Variants in GRM5 observed in about 807,000 individuals in gnomAD.
GRM5 encodes glutamate metabotropic receptor 5.
In GRM5, 19 loss-of-function variants were observed where a neutral mutation model predicts 83.1. The ratio of observed to expected loss-of-function variants is 0.23; its 90% CI spans 0.16 to 0.34. The LOEUF (loss-of-function observed/expected upper bound fraction) is 0.34, where lower values mean the gene tolerates loss of function less well. Among genes scored for constraint, GRM5 ranks in the 10% least tolerant of loss-of-function variants. The pLI, the probability that GRM5 is intolerant of heterozygous loss-of-function variation, is 1.00. For synonymous variants in GRM5, 675 were observed against 633.6 expected, an observed-to-expected ratio of 1.07 and a Z score of -0.98; for missense variants, 1,160 against 1,588.3, an observed-to-expected ratio of 0.73 and a Z score of 4.58.
At position 88,508,982 on chromosome 11, in the gene GRM5, C is replaced by T. The variant is rs1158461894; in HGVS notation, c.3249G>A (p.Ala1083=). ...SELNSMMLST[A]APSPGVGAPL... is the part of the protein sequence containing the mutation. ...GGGCGCCGACGCCGGGGCTGGGGGC[C>T]GCGGTGGACAGCATCATGGAGTTGA... Residue 1083 remains alanine, a synonymous_variant, in exon 10 of 10, where the codon GCG becomes GCA. Coordinates refer to ENST00000305447, the MANE Select transcript of GRM5 (RefSeq NM_001143831.3). The surrounding 1 kb of genome is among the most constrained non-coding windows in gnomAD (Gnocchi z 4.2). The T allele has an allele frequency of 6.3e-7, 1 of 1,583,070 alleles. No individual in the cohort carries two copies. The highest frequency in any genetic ancestry group is 8.6e-7 in the Non-Finnish European group (1 of 1,164,378).
intron 2 of GRM5, among the ~76,000 whole-genome samples, chr11:89,026,634 A>G (rs1941136657): frequency 2.6e-5 from 4 of 152,350 alleles, no homozygotes; most frequent in Admixed American, 2.6e-4. Flanking sequence ...TGAAAATAAA[A>G]TGAGATTCTA....
chr11:88,850,279 C>T, intron 2 of GRM5, 124 bp from the exon 3 acceptor site: 2 of 806,962 alleles, frequency 2.5e-6, no homozygotes, highest in South Asian at 1.7e-5. Context: ...ACCTGAAGAC[C>T]TGAATTTTGG....
chr11:88,671,530 T>A (rs1399418616), intron 3 of GRM5, among the ~76,000 whole-genome samples: 1 of 152,004 alleles, frequency 6.6e-6, no homozygotes. Context: ...AAAATGTTCA[T>A]CACCAGTAGA....
At chr11:88,647,453 T>C (rs1320781243) in intron 4 of GRM5, among the ~76,000 whole-genome samples, 4 of 152,004 alleles carry the variant, frequency 2.6e-5, no homozygotes, top group Admixed American at 2.6e-4. Context: ...TTTTCTCCCA[T>C]GATTCACTTG....
In GRM5 at chr11:88,568,771, C is replaced by T. The variant is rs533459144; in HGVS notation, c.1691-779G>A. 2.6e-4 allele frequency among the ~76,000 whole-genome samples: 39 copies of T among 151,932 alleles called. 1 individual carries two copies. Among genetic ancestry groups the T allele is most frequent in the Non-Finnish European group, 4.4e-4 (30 of 67,988 alleles). ...AAAAAGATATGAAATATGACCAACA[C>T]TAGTAAAGAAGAGTTGGAATTTTCA... On this transcript the variant is annotated intron_variant, in intron 7 of 9. Coordinates refer to ENST00000305447, the MANE Select transcript of GRM5 (RefSeq NM_001143831.3).
At chr11:88,800,911 G>C (rs1943380710) in intron 3 of GRM5, among the ~76,000 whole-genome samples, 1 of 152,056 alleles carries the variant, frequency 6.6e-6, no homozygotes, top group African/African-American at 2.4e-5. Flanking sequence ...GAATATGTGT[G>C]GGGGGCTTTT....
At chr11:88,928,773 A>G (rs1483952640) in intron 2 of GRM5, among the ~76,000 whole-genome samples, 2 of 151,982 alleles carry the variant, frequency 1.3e-5, no homozygotes, top group Non-Finnish European at 2.9e-5. Context: ...GTTTTAATTT[A>G]TAAGTTTCTG....
chr11:89,006,854 G>T (rs1395586491), intron 2 of GRM5, among the ~76,000 whole-genome samples: 2 of 152,206 alleles, frequency 1.3e-5, no homozygotes, highest in East Asian at 3.9e-4. Context: ...CTGGAGTGCA[G>T]TGGCGCAATC....
At chr11:88,613,823 C>G (rs910812146) in intron 4 of GRM5, among the ~76,000 whole-genome samples, 2 of 152,262 alleles carry the variant, frequency 1.3e-5, no homozygotes, top group South Asian at 2.1e-4. Context: ...ACTTTGAACT[C>G]TGGATCATTT....
intron 2 of GRM5, among the ~76,000 whole-genome samples, chr11:88,996,262 T>C (rs1252360553): frequency 2.0e-5 from 3 of 152,212 alleles, no homozygotes; most frequent in African/African-American, 4.8e-5. Context: ...TGTTCTTCCT[T>C]TGGAGAAGAA....
At chr11:88,512,007 G>A (rs2135079854) in intron 9 of GRM5, 1 of 152,298 alleles carries the variant, frequency 6.6e-6, no homozygotes, top group East Asian at 1.9e-4. Context: ...GTACAGAGAG[G>A]TTTTGCAAAC....
At chr11:88,846,939 T>A (rs1000826313) in intron 3 of GRM5, among the ~76,000 whole-genome samples, 1 of 152,156 alleles carries the variant, frequency 6.6e-6, no homozygotes, top group African/African-American at 2.4e-5. Flanking sequence ...AACCTAGGGT[T>A]TGCTATCAAA....
At chr11:88,877,735 T>G in intron 2 of GRM5, among the ~76,000 whole-genome samples, 1 of 150,332 alleles carries the variant, frequency 6.7e-6, no homozygotes, top group East Asian at 2.0e-4. Flanking sequence ...GAGGCTGAGG[T>G]AGGAGGATCA....
intron 2 of GRM5, among the ~76,000 whole-genome samples, chr11:88,964,145 A>G (rs1392800540): frequency 2.0e-5 from 3 of 152,156 alleles, no homozygotes; most frequent in Non-Finnish European, 4.4e-5. Flanking sequence ...CTTAGGTTGA[A>G]AAATAATAGT....
intron 2 of GRM5, among the ~76,000 whole-genome samples, chr11:88,872,651 T>G (rs2135563209): frequency 6.6e-6 from 1 of 151,304 alleles, no homozygotes; most frequent in Admixed American, 6.6e-5. Context: ...ACACCACCCC[T>G]TCCTCACCCT....
At chr11:88,993,059 A>T (rs1032723715) in intron 2 of GRM5, among the ~76,000 whole-genome samples, 8 of 151,098 alleles carry the variant, frequency 5.3e-5, no homozygotes, top group Admixed American at 4.0e-4. Flanking sequence ...AATAAATAAA[A>T]AAAAAGATCA....
At chr11:88,687,244 G>A (rs1940649876) in intron 3 of GRM5, among the ~76,000 whole-genome samples, 1 of 151,538 alleles carries the variant, frequency 6.6e-6, no homozygotes, top group South Asian at 2.1e-4. Context: ...AGAGGCTGAG[G>A]CAGGAGGATC....
At chr11:88,986,441 C>T (rs1017438423) in intron 2 of GRM5, among the ~76,000 whole-genome samples, 4 of 151,986 alleles carry the variant, frequency 2.6e-5, no homozygotes, top group African/African-American at 9.7e-5. Context: ...ATGTCAATAT[C>T]CTGGTGGTGA....
intron 3 of GRM5, among the ~76,000 whole-genome samples, chr11:88,701,864 C>T (rs148531240): frequency 2.6e-5 from 4 of 152,174 alleles, no homozygotes; most frequent in African/African-American, 9.6e-5. Flanking sequence ...TCAGCGTGAC[C>T]TGTAGGGTTA....
Sources: gnomAD v4.1 joint callset for allele counts (sites outside exome capture counted in the v4.1 genomes callset) on GRCh38, gnomAD v4.1.1 for gene constraint, Gnocchi (gnomAD v3.1) non-coding constraint, MANE v1.5 for transcripts, NCBI Gene and HGNC (gene_info 2026-07-23, HGNC 2026-07-21) for gene names.